DPP6: variants seen among roughly 807,000 people sequenced by gnomAD.
DPP6 encodes the protein dipeptidyl peptidase like 6.
In DPP6, 69 loss-of-function variants were observed where a neutral mutation model predicts 122.6. That is an observed-to-expected ratio of 0.56 (90% CI 0.46 to 0.69). The LOEUF (loss-of-function observed/expected upper bound fraction) is 0.69, where lower values mean the gene tolerates loss of function less well. DPP6 is among the 30% of genes least tolerant of loss of function. The pLI, the probability that DPP6 is intolerant of heterozygous loss-of-function variation, is 0.00. For missense variants in DPP6, 928 were observed against 1,116.9 expected (o/e 0.83, Z 2.41); for synonymous variants, 418 against 433.1 (o/e 0.97, Z 0.43).
At chr7:154,712,610 T>C (rs1011828768) in intron 7 of DPP6, among the ~76,000 whole-genome samples, 4 of 152,114 alleles carry the variant, frequency 2.6e-5, no homozygotes, top group Non-Finnish European at 5.9e-5. Flanking sequence ...CTTCACAGGG[T>C]GGCAGAAGAG....
chr7:154,711,686 T>A (rs1456969166), intron 7 of DPP6, among the ~76,000 whole-genome samples: 7 of 152,164 alleles, frequency 4.6e-5, no homozygotes, highest in Non-Finnish European at 1.0e-4. Flanking sequence ...CCCTTAGTAG[T>A]ATTGCTATCA....
chr7:153,968,803 A>G (rs1430733136), intron 1 of DPP6: 1 of 151,272 alleles, frequency 6.6e-6, no homozygotes, highest in Non-Finnish European at 1.5e-5. Context: ...TAGTATAACC[A>G]AAAACAACTA....
At chr7:153,749,220 A>G in the DPP6 span, among the ~76,000 whole-genome samples, 1 of 152,186 alleles carries the variant, frequency 6.6e-6, no homozygotes, top group Non-Finnish European at 1.5e-5. This position sits in a 1 kb window ranked among gnomAD's most constrained non-coding sequence, Gnocchi z 4.1. Context: ...ACCCGCGGCC[A>G]GCAGCAGGGC....
intron 17 of DPP6, among the ~76,000 whole-genome samples, chr7:154,856,146 A>C (rs544177288): frequency 6.6e-6 from 1 of 152,382 alleles, no homozygotes; most frequent in African/African-American, 2.4e-5. Flanking sequence ...TAAAAAACAC[A>C]AAAGTATCTT....
intron 1 of DPP6, among the ~76,000 whole-genome samples, chr7:153,916,111 C>T (rs1322841211): frequency 1.3e-5 from 2 of 150,840 alleles, no homozygotes; most frequent in South Asian, 2.1e-4. Context: ...GGACTACAGG[C>T]GCCCGCCACT....
At chr7:154,042,948 A>C (rs548957762) in intron 1 of DPP6, among the ~76,000 whole-genome samples, 56 of 152,358 alleles carry the variant, frequency 3.7e-4, no homozygotes, top group Middle Eastern at 6.8e-3. Flanking sequence ...GCCATCATTT[A>C]AAAACATCAT....
rs1488776699 is a variant in DPP6 at position 154,597,172 on chromosome 7, G to GAC, written c.627+30258_627+30259dup. On this transcript the variant is annotated intron_variant, in intron 5 of 25. Transcript: ENST00000377770. ...GACACAGAGACAGAGAGGGAGAGAAGACAGAGAGAGAGAGGGTGGGGAGAC... is the reference window on the plus strand; with the variant it reads ...GACACAGAGACAGAGAGGGAGAGAAGACACAGAGAGAGAGAGGGTGGGGAGAC... Among the ~76,000 whole-genome samples the GAC allele has an allele frequency of 7.4e-5, 7 of 94,632 alleles. No individual in the cohort carries two copies. In the East Asian group the frequency reaches 2.7e-3, roughly 37 times the overall value. The allele number at this position is 94,632 out of a possible 152,430, so 62.1% of individuals were successfully genotyped here.
intron 1 of DPP6, among the ~76,000 whole-genome samples, chr7:154,259,891 A>G (rs1320880215): frequency 6.6e-6 from 1 of 152,234 alleles, no homozygotes; most frequent in Non-Finnish European, 1.5e-5. Context: ...CAGAGCAGGC[A>G]CGTGGCTGCT....
intron 10 of DPP6, among the ~76,000 whole-genome samples, chr7:154,778,050 C>T (rs944466368): frequency 9.9e-5 from 15 of 152,160 alleles, no homozygotes; most frequent in East Asian, 3.9e-4. Context: ...CCCATGCCCT[C>T]GCCACCTCAT....
intron 4 of DPP6, among the ~76,000 whole-genome samples, chr7:154,545,154 C>T (rs1166836734): frequency 6.6e-6 from 1 of 152,176 alleles, no homozygotes; most frequent in Non-Finnish European, 1.5e-5. Context: ...ATTCCGGGAC[C>T]TTACACTTTA....
In DPP6 at chr7:154,872,690, T is replaced by C. The variant is rs757436513; in HGVS notation, c.1880T>C (p.Val627Ala). ...ACCACCCACTACCCTCTGCTCCTGGTGGTGTAAGTATCGTCACATCTGTCT... is the reference window on the plus strand; with the variant it reads ...ACCACCCACTACCCTCTGCTCCTGGCGGTGTAAGTATCGTCACATCTGTCT... ...TDTTHYPLLL[V>A]VDGTPGSQSV... is the part of the protein sequence containing the mutation. Residue 627 changes from valine to alanine, a missense_variant, in exon 19 of 26, where the codon GTG (valine) becomes GCG (alanine). Physicochemically the swap from Val to Ala is moderately conservative, Grantham distance 64 (BLOSUM62 0). Coordinates refer to ENST00000377770, the MANE Select transcript of DPP6 (RefSeq NM_130797.4). 3 of 1,594,680 alleles carry C rather than the reference T, an allele frequency of 1.9e-6. No individual in the cohort carries two copies. The African/African-American group carries it at 4.0e-5, about 21-fold the overall frequency.
chr7:153,950,345 T>G (rs1035752040), intron 1 of DPP6, among the ~76,000 whole-genome samples: 1 of 152,058 alleles, frequency 6.6e-6, no homozygotes, highest in Non-Finnish European at 1.5e-5. Context: ...CATGGAATGT[T>G]AGGTGTGAGA....
Position 154,207,628 on chromosome 7 carries a change from T to C in DPP6, c.243+154565T>C, listed in dbSNP as rs1005503554. Among the ~76,000 whole-genome samples the C allele has an allele frequency of 9.2e-5, 14 of 152,228 alleles. 1 individual carries two copies. The highest frequency in any genetic ancestry group is 3.4e-4 in the African/African-American group (14 of 41,462). The stretch of plus-strand genomic sequence containing the variant: ...GCAATGAATCAGTTACAGCCAGAAT[T>C]AAGATGATTTTCACTCTAACTACAA... On this transcript the variant is annotated intron_variant, in intron 1 of 25. Transcript: ENST00000377770.
At chr7:154,656,896 G>A (rs112265182) in intron 6 of DPP6, among the ~76,000 whole-genome samples, 5 of 77,760 alleles carry the variant, frequency 6.4e-5, no homozygotes, top group East Asian at 4.4e-4. Context: ...GTGGGAGGAG[G>A]TGCTCATGGG....
intron 3 of DPP6, among the ~76,000 whole-genome samples, chr7:154,520,878 A>G (rs1056060925): frequency 1.3e-5 from 2 of 152,208 alleles, no homozygotes; most frequent in African/African-American, 4.8e-5. Context: ...CAGTAACGCA[A>G]AATATAAGTG....
intron 1 of DPP6, among the ~76,000 whole-genome samples, chr7:154,162,795 C>G (rs1328126157): frequency 6.6e-6 from 1 of 152,174 alleles, no homozygotes; most frequent in Admixed American, 6.5e-5. Context: ...CACCTGGAAT[C>G]TGATCATTGC....
At chr7:154,312,131 G>A (rs1806951410) in intron 1 of DPP6, among the ~76,000 whole-genome samples, 1 of 152,200 alleles carries the variant, frequency 6.6e-6, no homozygotes, top group Non-Finnish European at 1.5e-5. Flanking sequence ...GCACATCCTG[G>A]AGGTATCTGT....
chr7:153,874,805 C>G, the DPP6 span, among the ~76,000 whole-genome samples: 1 of 152,086 alleles, frequency 6.6e-6, no homozygotes, highest in Non-Finnish European at 1.5e-5. Flanking sequence ...CACAGCTGAA[C>G]AGAAGAAAAG....
the DPP6 span, among the ~76,000 whole-genome samples, chr7:153,779,319 C>T: frequency 6.6e-6 from 1 of 151,196 alleles, no homozygotes; most frequent in African/African-American, 2.4e-5. Context: ...AAAATTAGAA[C>T]ACTCAATTAT....
Sources: gnomAD v4.1 joint callset for allele counts (sites outside exome capture counted in the v4.1 genomes callset) on GRCh38, gnomAD v4.1.1 for gene constraint, Gnocchi (gnomAD v3.1) non-coding constraint, MANE v1.5 for transcripts, NCBI Gene and HGNC (gene_info 2026-07-23, HGNC 2026-07-21) for gene names.